ADAMTS20: variants seen among roughly 807,000 people sequenced by gnomAD.
The protein encoded by ADAMTS20 is A disintegrin and metalloproteinase with thrombospondin motifs 20.
Under a neutral mutation model 260.1 loss-of-function variants are expected in ADAMTS20, and 225 were observed. The ratio of observed to expected loss-of-function variants is 0.87; its 90% CI spans 0.78 to 0.97. The LOEUF is 0.97. Ranked by LOEUF, ADAMTS20 falls within the 50% of genes least tolerant of loss-of-function variation. The pLI is 0.00. For missense variants in ADAMTS20, 2,400 were observed against 2,337.7 expected (o/e 1.03, Z -0.55); for synonymous variants, 802 against 769.5 (o/e 1.04, Z -0.70).
At chr12:43,499,830 T>C (rs1001913445) in intron 4 of ADAMTS20, among the ~76,000 whole-genome samples, 1 of 152,066 alleles carries the variant, frequency 6.6e-6, no homozygotes, top group African/African-American at 2.4e-5. Context: ...AAAATATAGA[T>C]AACAAAACCT....
At chr12:43,508,045 C>T (rs1006043080) in intron 3 of ADAMTS20, among the ~76,000 whole-genome samples, 1 of 152,000 alleles carries the variant, frequency 6.6e-6, no homozygotes, top group Admixed American at 6.6e-5. Context: ...GGGTACTGGG[C>T]TTAGTACCTG....
intron 24 of ADAMTS20, among the ~76,000 whole-genome samples, chr12:43,429,140 TATA>T (rs1464401337): frequency 6.6e-6 from 1 of 152,098 alleles, no homozygotes; most frequent in African/African-American, 2.4e-5. Context: ...AATTTTGATA[TATA>T]ATATCTACTA....
intron 2 of ADAMTS20, among the ~76,000 whole-genome samples, chr12:43,536,583 G>A (rs1943298322): frequency 6.6e-6 from 1 of 152,218 alleles, no homozygotes; most frequent in Admixed American, 6.5e-5. Flanking sequence ...GCAAAGCTGA[G>A]GCTAGAGTAA....
chr12:43,358,293 A>G (rs1006782634), intron 37 of ADAMTS20, among the ~76,000 whole-genome samples: 1 of 152,152 alleles, frequency 6.6e-6, no homozygotes, highest in African/African-American at 2.4e-5. Context: ...AGAACTATCG[A>G]TTGTTCCATT....
At chr12:43,401,696 T>C (rs1029544533) in intron 28 of ADAMTS20, among the ~76,000 whole-genome samples, 3 of 151,232 alleles carry the variant, frequency 2.0e-5, no homozygotes, top group South Asian at 4.2e-4. Flanking sequence ...ATAAATCTAT[T>C]TTTATCAATC....
Position 43,468,614 on chromosome 12 carries a change from A to T in ADAMTS20, c.1209T>A (p.His403Gln). Residue 403 changes from histidine to glutamine, a missense_variant, in exon 8 of 39, where the codon CAT (histidine) becomes CAA (glutamine). Physicochemically the swap from His to Gln is conservative, Grantham distance 24 (BLOSUM62 0). Coordinates refer to ENST00000389420, the MANE Select transcript of ADAMTS20 (RefSeq NM_025003.5). ...KGLISAFTIA[H>Q]ELGHTLGVQH... ...AAGGTACTTACGTGTGCCCAAGCTC[A>T]TGGGCTATAGTAAAAGCAGAAATGA... 1 of 1,605,466 alleles carries T rather than the reference A, an allele frequency of 6.2e-7. No individual in the cohort carries two copies. Among genetic ancestry groups the T allele is most frequent in the Non-Finnish European group, 8.5e-7 (1 of 1,174,288 alleles).
chr12:43,413,815 A>G (rs541899123), intron 28 of ADAMTS20, among the ~76,000 whole-genome samples: 1 of 152,312 alleles, frequency 6.6e-6, no homozygotes, highest in African/African-American at 2.4e-5. Context: ...ATTGATTGAG[A>G]AGAAAATTCA....
chr12:43,375,349 T>A lies in ADAMTS20; in HGVS notation c.5446+30A>T, dbSNP rs539401428. On this transcript the variant is annotated intron_variant, in intron 36 of 38. Coordinates refer to ENST00000389420, the MANE Select transcript of ADAMTS20 (RefSeq NM_025003.5). ...ACGTTCATAAGCAAATGGAGGCTTT[T>A]TGATTTTAAAATATAGATTGAGCAC... is the stretch of plus-strand genomic sequence containing the variant. The A allele has an allele frequency of 1.9e-5, 31 of 1,601,964 alleles. No homozygotes were observed. The South Asian group carries it at 3.5e-4, about 18-fold the overall frequency.
Position 43,447,294 on chromosome 12 carries a change from G to A in ADAMTS20, c.2080-582C>T, listed in dbSNP as rs1047514196. Among the ~76,000 whole-genome samples the A allele has an allele frequency of 3.3e-5, 5 of 151,924 alleles. No homozygotes were observed. In the East Asian group the frequency reaches 7.7e-4, roughly 23 times the overall value. On this transcript the variant is annotated intron_variant, in intron 14 of 38. Coordinates refer to ENST00000389420, the MANE Select transcript of ADAMTS20 (RefSeq NM_025003.5). ...CAGCAAATCAAAAAGCTTATCCACCGCAATCAAGTAGACTTCATCCCCGGG... is the reference window on the plus strand; with the variant it reads ...CAGCAAATCAAAAAGCTTATCCACCACAATCAAGTAGACTTCATCCCCGGG...
At chr12:43,471,137 C>T (rs1241186897) in intron 7 of ADAMTS20, among the ~76,000 whole-genome samples, 1 of 152,070 alleles carries the variant, frequency 6.6e-6, no homozygotes, top group Non-Finnish European at 1.5e-5. Flanking sequence ...ACGCACCGTG[C>T]GAGAGCCGAA....
At position 43,369,290 on chromosome 12, in the gene ADAMTS20, C is replaced by T; in HGVS notation, c.5538G>A (p.Gln1846=). Residue 1846 remains glutamine (Q), a splice_region_variant and synonymous_variant, in exon 37 of 39, where the codon CAG becomes CAA. Transcript: ENST00000389420. The part of the protein sequence containing the change: ...GDCYSAFRCP[Q]GQFSINLSGT... ...AATTAATCAAACAAATATGAAATAC[C>T]TGTGGGCATCTGAAAGCACTGTAGC... 1 of 1,502,728 alleles carries T rather than the reference C, an allele frequency of 6.7e-7. No individual in the cohort carries two copies. Among genetic ancestry groups the T allele is most frequent in the Non-Finnish European group, 8.9e-7 (1 of 1,126,236 alleles). The allele number at this position is 1,502,728 out of a possible 1,614,324, so 93.1% of individuals were successfully genotyped here.
At chr12:43,423,949 T>C (rs140361173) in intron 28 of ADAMTS20, 2 of 701,328 alleles carry the variant, frequency 2.9e-6, no homozygotes, top group Non-Finnish European at 5.2e-6. Context: ...TGTTCTGTTG[T>C]TTAATATCAT....
chr12:43,452,124 C>G (rs1429630918), intron 14 of ADAMTS20, 150 bp downstream of exon 14: 7 of 770,234 alleles, frequency 9.1e-6, no homozygotes, highest in Non-Finnish European at 1.4e-5. Context: ...AACCATACTT[C>G]TATAGATAGC....
intron 26 of ADAMTS20, among the ~76,000 whole-genome samples, chr12:43,427,732 G>A (rs946965678): frequency 2.6e-5 from 4 of 152,104 alleles, no homozygotes; most frequent in African/African-American, 9.7e-5. Flanking sequence ...TAAGTGTTAA[G>A]TAAAAAGAAA....
intron 29 of ADAMTS20, 136 bp from the exon 30 acceptor site, chr12:43,384,113 T>A (rs1940419023): frequency 1.2e-6 from 1 of 836,352 alleles, no homozygotes; most frequent in Non-Finnish European, 1.7e-6. Flanking sequence ...AAAAAATACA[T>A]ACAATAAGTA....
At position 43,432,297 on chromosome 12, in the gene ADAMTS20, A is replaced by C. The variant is rs768937064; in HGVS notation, c.3096+7T>G. The C allele has an allele frequency of 1.5e-5, 24 of 1,612,174 alleles. No homozygotes were observed. The Middle Eastern group carries it at 4.9e-4, about 33-fold the overall frequency. ...TAATAGTTCCAAGCATCATGTGTTT[A>C]ATGTACCTCGCTCCATTCACTAGCA... On this transcript the variant is annotated splice_region_variant and intron_variant, in intron 21 of 38. Coordinates refer to ENST00000389420, the MANE Select transcript of ADAMTS20 (RefSeq NM_025003.5).
chr12:43,447,130 C>A (rs1176777774), intron 14 of ADAMTS20, among the ~76,000 whole-genome samples: 1 of 151,990 alleles, frequency 6.6e-6, no homozygotes, highest in Non-Finnish European at 1.5e-5. Context: ...TCCTCCCTAA[C>A]TCCTTCTATG....
chr12:43,469,791 G>A lies in ADAMTS20; in HGVS notation c.1118-1086C>T, dbSNP rs11182090. Among the ~76,000 whole-genome samples the A allele has an allele frequency of 8.2e-3, 1,254 of 152,234 alleles. 20 individuals carry two copies. Among genetic ancestry groups the A allele is most frequent in the African/African-American group, 0.028 (1,176 of 41,550 alleles). ...ACTTGAACATCTTCCTAGCATTTAA[G>A]GTAGATGTCCTAACAACTAGAATGT... On this transcript the variant is annotated intron_variant, in intron 7 of 38. Coordinates refer to ENST00000389420, the MANE Select transcript of ADAMTS20 (RefSeq NM_025003.5).
intron 31 of ADAMTS20, among the ~76,000 whole-genome samples, chr12:43,382,215 A>G (rs962185051): frequency 7.9e-5 from 12 of 152,236 alleles, no homozygotes; most frequent in Admixed American, 3.3e-4. Context: ...TGAAACGTCA[A>G]AATTGGAATC....
Sources: allele counts gnomAD v4.1 joint callset (sites outside exome capture counted in the v4.1 genomes callset), GRCh38; gene constraint gnomAD v4.1.1; transcripts MANE v1.5; gene names NCBI Gene and HGNC (gene_info 2026-07-23, HGNC 2026-07-21).